The following NPBWR2 variants were observed in gnomAD, a reference collection of about 807,000 sequenced individuals.
The protein encoded by NPBWR2 is neuropeptides B/W receptor type 2.
For missense variants in NPBWR2, 390 were observed against 458.2 expected, an observed-to-expected ratio of 0.85 and a Z score of 1.36; for synonymous variants, 207 against 223.5, an observed-to-expected ratio of 0.93 and a Z score of 0.66.
chr20:64,106,018 A>C lies in NPBWR2; in HGVS notation c.814T>G (p.Cys272Gly). The change falls in exon 2 of 2, where the codon TGC (cysteine) becomes GGC (glycine). Residue 272 changes from cysteine (C) to glycine (G), a missense_variant. By Grantham distance (159) the Cys-to-Gly change is radical. Transcript: ENST00000684052. The surrounding 1 kb of genome is among the most constrained non-coding windows in gnomAD (Gnocchi z 9.5). ...GAGGCCAGGTGGAAGGGCGTCCAGCAGAGGAGGCACACGGCCAGCACGACG... is the reference window on the plus strand; with the variant it reads ...GAGGCCAGGTGGAAGGGCGTCCAGCCGAGGAGGCACACGGCCAGCACGACG... The part of the protein sequence containing the change: ...VLVVLAVCLL[C>G]WTPFHLASVV... 3 of 1,611,950 alleles carry C rather than the reference A, an allele frequency of 1.9e-6. No individual in the cohort carries two copies. Among genetic ancestry groups the C allele is most frequent in the Non-Finnish European group, 2.5e-6 (3 of 1,179,780 alleles).
rs368497080 is a variant in NPBWR2 at position 64,106,274 on chromosome 20, G to A, written c.558C>T (p.Gly186=). 2.2e-5 allele frequency: 36 copies of A among 1,612,798 alleles called. No individual in the cohort carries two copies. In the Middle Eastern group the frequency reaches 6.6e-4, roughly 30 times the overall value. ...GGACCTGCAGCTCGTTGCTGTAGACGCCAGCGAAAGAGAAGAAGGGCAGAA... is the reference window on the plus strand; with the variant it reads ...GGACCTGCAGCTCGTTGCTGTAGACACCAGCGAAAGAGAAGAAGGGCAGAA... ...VLVLPFFSFA[G]VYSNELQVPS... Residue 186 remains glycine, a synonymous_variant, in exon 2 of 2, where the codon GGC becomes GGT. Coordinates refer to ENST00000684052, the MANE Select transcript of NPBWR2 (RefSeq NM_005286.4). The surrounding 1 kb of genome is among the most constrained non-coding windows in gnomAD (Gnocchi z 9.5).
Position 64,105,926 on chromosome 20 carries a change from G to C in NPBWR2, c.906C>G (p.Thr302=). Residue 302 remains threonine (T), a synonymous_variant, in exon 2 of 2, where the codon ACC becomes ACG. Coordinates refer to ENST00000684052, the MANE Select transcript of NPBWR2 (RefSeq NM_005286.4). The stretch of plus-strand genomic sequence containing the variant: ...GGCACGAGTTGGCGTAGCTGAGGCT[G>C]GTGATGACGTAGGACATACTGATGA... ...PLVISMSYVI[T]SLSYANSCLN... is the part of the protein sequence containing the mutation. 6.2e-7 allele frequency: 1 copy of C among 1,612,682 alleles called. No individual in the cohort carries two copies. The highest frequency in any genetic ancestry group is 8.5e-7 in the Non-Finnish European group (1 of 1,179,758).
At position 64,104,769 on chromosome 20, in the gene NPBWR2, AG is replaced by A. The variant is rs1386305233; in HGVS notation, c.*1060del. Reference sequence around the variant, plus strand: ...CATGGTGAGGACTGTCGGCCACAGCAGGGGGGCACAGGGGAGCACAGGCCAT... The same window carrying A: ...CATGGTGAGGACTGTCGGCCACAGCAGGGGGCACAGGGGAGCACAGGCCAT... On this transcript the variant is annotated 3_prime_UTR_variant, in exon 2 of 2. Coordinates refer to ENST00000684052, the MANE Select transcript of NPBWR2 (RefSeq NM_005286.4). Among the ~76,000 whole-genome samples the A allele has an allele frequency of 1.5e-5, 2 of 131,194 alleles. No homozygotes were observed. Among genetic ancestry groups the A allele is most frequent in the Non-Finnish European group, 3.2e-5 (2 of 61,600 alleles). The allele number at this position is 131,194 out of a possible 152,430, so 86.1% of individuals were successfully genotyped here. A position where few individuals can be genotyped will look rare whatever the true frequency, so the allele number is the denominator to read the frequency against.
Position 64,106,244 on chromosome 20 carries a change from G to C in NPBWR2, c.588C>G (p.Ser196Arg), listed in dbSNP as rs1980032489. ...GVYSNELQVPSCGLSFPWPEQ... is the reference protein window; with the variant it reads ...GVYSNELQVPRCGLSFPWPEQ... ...CGGGCCACGGGAAGCTCAGCCCACA[G>C]CTTGGGACCTGCAGCTCGTTGCTGT... is the stretch of plus-strand genomic sequence containing the variant. The change falls in exon 2 of 2, where the codon AGC (serine) becomes AGG (arginine). Residue 196 changes from serine to arginine, a missense_variant. Transcript: ENST00000684052. This position sits in a 1 kb window ranked among gnomAD's most constrained non-coding sequence, Gnocchi z 9.5. 6.2e-7 allele frequency: 1 copy of C among 1,612,806 alleles called. No homozygotes were observed. Among genetic ancestry groups the C allele is most frequent in the Non-Finnish European group, 8.5e-7 (1 of 1,179,992 alleles).
Position 64,104,710 on chromosome 20 carries a change from C to T in NPBWR2, c.*1120G>A, listed in dbSNP as rs1408605536. On this transcript the variant is annotated 3_prime_UTR_variant, in exon 2 of 2. Coordinates refer to ENST00000684052, the MANE Select transcript of NPBWR2 (RefSeq NM_005286.4). ...GAGCACAGGCCATGGAGAGGACCGT[C>T]GGCCACAGCAGGGGAGTATAGGGGA... Among the ~76,000 whole-genome samples, 6 of 133,678 alleles carry T rather than the reference C, an allele frequency of 4.5e-5. No individual in the cohort carries two copies. Among genetic ancestry groups the T allele is most frequent in the East Asian group, 2.2e-4 (1 of 4,520 alleles). The allele number at this position is 133,678 out of a possible 152,430, so 87.7% of individuals were successfully genotyped here.
At position 64,107,307 on chromosome 20, in the gene NPBWR2, A is replaced by C; in HGVS notation, c.-92+57T>G. 5.4e-6 allele frequency: 1 copy of C among 183,980 alleles called. No homozygotes were observed. The highest frequency in any genetic ancestry group is 1.2e-5 in the Non-Finnish European group (1 of 86,316). 11.4% of individuals were successfully genotyped at this position (183,980 alleles called of 1,614,324 possible). On this transcript the variant is annotated intron_variant, in intron 1 of 1. Transcript: ENST00000684052. The surrounding 1 kb of genome is among the most constrained non-coding windows in gnomAD (Gnocchi z 6.3). ...TCTTGGAGTCTGCACCCTCCCTCAC[A>C]CCCTCCCGAGAGATGCTGCAGACCC...
In NPBWR2 at chr20:64,107,425, C is replaced by T. The variant is rs1227602827; in HGVS notation, c.-153G>A. ...GGTGTGTTCCTGGTTTTGGCCAGTACAGGCAGTCGCAGGGATGGAGGGCGA... is the reference window on the plus strand; with the variant it reads ...GGTGTGTTCCTGGTTTTGGCCAGTATAGGCAGTCGCAGGGATGGAGGGCGA... On this transcript the variant is annotated 5_prime_UTR_variant, in exon 1 of 2. Coordinates refer to ENST00000684052, the MANE Select transcript of NPBWR2 (RefSeq NM_005286.4). This position sits in a 1 kb window ranked among gnomAD's most constrained non-coding sequence, Gnocchi z 6.3. 1.3e-5 allele frequency among the ~76,000 whole-genome samples: 2 copies of T among 152,306 alleles called. No individual in the cohort carries two copies. The highest frequency in any genetic ancestry group is 3.9e-4 in the East Asian group (2 of 5,170).
At position 64,105,861 on chromosome 20, in the gene NPBWR2, CG is replaced by C. The variant is rs1980006963; in HGVS notation, c.970del (p.Arg324GlyfsTer235). 1 of 1,512,402 alleles carries C rather than the reference CG, an allele frequency of 6.6e-7. No homozygotes were observed. 93.7% of individuals were successfully genotyped at this position (1,512,402 alleles called of 1,614,324 possible). Reference sequence around the variant, plus strand: ...CCGCAATATGCTGCGGAAGTTCTTCCGGAAGTTGTCATCTAGAAAGGCGTAG... The same window carrying C: ...CCGCAATATGCTGCGGAAGTTCTTCCGAAGTTGTCATCTAGAAAGGCGTAG... ...FLYAFLDDNFRKNFRSILRC is the reference protein window; with the variant it reads ...FLYAFLDDNFXKNFRSILRC On this transcript the variant is annotated frameshift_variant, in exon 2 of 2. Coordinates refer to ENST00000684052, the MANE Select transcript of NPBWR2 (RefSeq NM_005286.4). LOFTEE classifies it low-confidence loss of function (END_TRUNC).
At position 64,105,121 on chromosome 20, in the gene NPBWR2, G is replaced by A. The variant is rs550044247; in HGVS notation, c.*709C>T. On this transcript the variant is annotated 3_prime_UTR_variant, in exon 2 of 2. Coordinates refer to ENST00000684052, the MANE Select transcript of NPBWR2 (RefSeq NM_005286.4). The stretch of plus-strand genomic sequence containing the variant: ...AGCATCGCTGCTGCCTGAGGTGCCC[G>A]CACTTACCACCCCCCGGCCCCATCT... 1.3e-5 allele frequency among the ~76,000 whole-genome samples: 2 copies of A among 152,202 alleles called. No homozygotes were observed. Among genetic ancestry groups the A allele is most frequent in the South Asian group, 2.1e-4 (1 of 4,814 alleles).
Position 64,106,470 on chromosome 20 carries a change from A to T in NPBWR2, c.362T>A (p.Leu121Gln), listed in dbSNP as rs1044478700. The change falls in exon 2 of 2, where the codon CTG (leucine) becomes CAG (glutamine). Residue 121 changes from leucine (L) to glutamine (Q), a missense_variant. Physicochemically the swap from Leu to Gln is moderately radical, Grantham distance 113. Coordinates refer to ENST00000684052, the MANE Select transcript of NPBWR2 (RefSeq NM_005286.4). This position sits in a 1 kb window ranked among gnomAD's most constrained non-coding sequence, Gnocchi z 9.5. Reference sequence around the variant, plus strand: ...GAAGATGTTGTAGTGGTCGACGGCCAGCACCAGCTTGCAGAGCAGCTCCCC... The same window carrying T: ...GAAGATGTTGTAGTGGTCGACGGCCTGCACCAGCTTGCAGAGCAGCTCCCC... ...PFGELLCKLVLAVDHYNIFSS... is the reference protein window; with the variant it reads ...PFGELLCKLVQAVDHYNIFSS... The T allele has an allele frequency of 8.1e-6, 13 of 1,612,778 alleles. No individual in the cohort carries two copies. The highest frequency in any genetic ancestry group is 9.3e-6 in the Non-Finnish European group (11 of 1,180,022).
At position 64,105,709 on chromosome 20, in the gene NPBWR2, G is replaced by GCAT; in HGVS notation, c.*120_*121insATG. 2.2e-6 allele frequency: 1 copy of GCAT among 449,120 alleles called. No individual in the cohort carries two copies. The highest frequency in any genetic ancestry group is 3.6e-6 in the Non-Finnish European group (1 of 281,090). The allele number at this position is 449,120 out of a possible 1,614,324, so 27.8% of individuals were successfully genotyped here. A position where few individuals can be genotyped will look rare whatever the true frequency, so the allele number is the denominator to read the frequency against. On this transcript the variant is annotated 3_prime_UTR_variant, in exon 2 of 2. Coordinates refer to ENST00000684052, the MANE Select transcript of NPBWR2 (RefSeq NM_005286.4). ...GGGGTGGTGGTGGGGGTGATGGTGGGGGTGGTGGTGGGGGTGGGGGGGGGT... is the reference window on the plus strand; with the variant it reads ...GGGGTGGTGGTGGGGGTGATGGTGGGCATGGTGGTGGTGGGGGTGGGGGGGGGT...
rs1477762716 is a variant in NPBWR2, at chr20:64,106,328, C to T, written c.504G>A (p.Leu168=). The T allele has an allele frequency of 2.5e-6, 4 of 1,612,696 alleles. No homozygotes were observed. Among genetic ancestry groups the T allele is most frequent in the African/African-American group, 2.7e-5 (2 of 74,938 alleles). Residue 168 remains leucine, a synonymous_variant, in exon 2 of 2, where the codon CTG becomes CTA. Transcript: ENST00000684052. This position sits in a 1 kb window ranked among gnomAD's most constrained non-coding sequence, Gnocchi z 9.5. ...GGACCGTGACGCCCAGCCAGACACACAGGCTGGCGACCTTCGCCCCCCGGT... is the reference window on the plus strand; with the variant it reads ...GGACCGTGACGCCCAGCCAGACACATAGGCTGGCGACCTTCGCCCCCCGGT... ...RTYRGAKVAS[L]CVWLGVTVLV... is the part of the protein sequence containing the mutation.
At position 64,105,197 on chromosome 20, in the gene NPBWR2, C is replaced by T. The variant is rs1979923304; in HGVS notation, c.*633G>A. On this transcript the variant is annotated 3_prime_UTR_variant, in exon 2 of 2. Coordinates refer to ENST00000684052, the MANE Select transcript of NPBWR2 (RefSeq NM_005286.4). ...CAGGTCAAGATCACAGTTCAGGTTC[C>T]CTCCCCTCCCGACCACTGTCATTAG... is the stretch of plus-strand genomic sequence containing the variant. Among the ~76,000 whole-genome samples the T allele has an allele frequency of 1.3e-5, 2 of 151,886 alleles. No individual in the cohort carries two copies. The highest frequency in any genetic ancestry group is 4.2e-4 in the South Asian group (2 of 4,800).
At position 64,104,274 on chromosome 20, in the gene NPBWR2, G is replaced by T. The variant is rs1979870872; in HGVS notation, c.*1556C>A. Among the ~76,000 whole-genome samples, 1 of 152,188 alleles carries T rather than the reference G, an allele frequency of 6.6e-6. No individual in the cohort carries two copies. The highest frequency in any genetic ancestry group is 2.4e-5 in the African/African-American group (1 of 41,426). On this transcript the variant is annotated 3_prime_UTR_variant, in exon 2 of 2. Coordinates refer to ENST00000684052, the MANE Select transcript of NPBWR2 (RefSeq NM_005286.4). ...TCACCCTGCCCCCACCAGAGTTTCA[G>T]CATGCAGCTCCTGCTGGCTGATTAC...
rs1190326117 is a variant in NPBWR2 at position 64,106,648 on chromosome 20, C to T, written c.184G>A (p.Gly62Ser). ...YSGICAVGLT[G>S]NTAVILVILR... Reference sequence around the variant, plus strand: ...ATTACAAGGATGACGGCCGTGTTGCCAGTCAGCCCCACAGCACAGATCCCG... The same window carrying T: ...ATTACAAGGATGACGGCCGTGTTGCTAGTCAGCCCCACAGCACAGATCCCG... The change falls in exon 2 of 2, where the codon GGC (glycine) becomes AGC (serine). Residue 62 changes from glycine (G) to serine (S), a missense_variant. By Grantham distance (56) the Gly-to-Ser change is moderately conservative (BLOSUM62 0). Transcript: ENST00000684052. The surrounding 1 kb of genome is among the most constrained non-coding windows in gnomAD (Gnocchi z 9.5). 1.9e-6 allele frequency: 3 copies of T among 1,612,596 alleles called. No individual in the cohort carries two copies. The highest frequency in any genetic ancestry group is 2.5e-6 in the Non-Finnish European group (3 of 1,180,022).
chr20:64,106,374 C>A lies in NPBWR2; in HGVS notation c.458G>T (p.Arg153Leu), dbSNP rs143647574. 1 of 1,612,446 alleles carries A rather than the reference C, an allele frequency of 6.2e-7. No homozygotes were observed. Among genetic ancestry groups the A allele is most frequent in the Non-Finnish European group, 8.5e-7 (1 of 1,179,956 alleles). The change falls in exon 2 of 2, where the codon CGC becomes CTC. Residue 153 changes from arginine to leucine, a missense_variant. Arg to Leu is a moderately radical substitution (Grantham distance 102, BLOSUM62 -2). Coordinates refer to ENST00000684052, the MANE Select transcript of NPBWR2 (RefSeq NM_005286.4). The surrounding 1 kb of genome is among the most constrained non-coding windows in gnomAD (Gnocchi z 9.5). ...CCGGTAGGTGCGCCAGGGCATGTGG[C>A]GGGACCTCACGGTGGCCAGCACCAC... is the stretch of plus-strand genomic sequence containing the variant. ...YLVVLATVRS[R>L]HMPWRTYRGA...
At position 64,106,764 on chromosome 20, in the gene NPBWR2, G is replaced by A. The variant is rs951224863; in HGVS notation, c.68C>T (p.Ala23Val). ...AGTGCCATTGTCCTGAGAGACGTTG[G>A]CACCCATCGTGGGGAGGGAGAAGGA... ...RGSFSLPTMGANVSQDNGTGH... is the reference protein window; with the variant it reads ...RGSFSLPTMGVNVSQDNGTGH... Residue 23 changes from alanine (A) to valine (V), a missense_variant, in exon 2 of 2, where the codon GCC (alanine) becomes GTC (valine). By Grantham distance (64) the Ala-to-Val change is moderately conservative. Coordinates refer to ENST00000684052, the MANE Select transcript of NPBWR2 (RefSeq NM_005286.4). This position sits in a 1 kb window ranked among gnomAD's most constrained non-coding sequence, Gnocchi z 9.5. The A allele has an allele frequency of 2.1e-5, 34 of 1,612,618 alleles. No individual in the cohort carries two copies. The Admixed American group carries it at 4.3e-4, about 21-fold the overall frequency.
rs1326538723 is a variant in NPBWR2 at position 64,105,815 on chromosome 20, T to C, written c.*15A>G. On this transcript the variant is annotated 3_prime_UTR_variant, in exon 2 of 2. Coordinates refer to ENST00000684052, the MANE Select transcript of NPBWR2 (RefSeq NM_005286.4). ...ATGATGGGCATGATGATGGGGGTGA[T>C]GGTGCCCAGGCCCTTCAGCACCGCA... The C allele has an allele frequency of 2.8e-6, 4 of 1,449,636 alleles. No individual in the cohort carries two copies. Among genetic ancestry groups the C allele is most frequent in the African/African-American group, 2.9e-5 (2 of 69,760 alleles). The allele number at this position is 1,449,636 out of a possible 1,614,324, so 89.8% of individuals were successfully genotyped here. A position where few individuals can be genotyped will look rare whatever the true frequency, so the allele number is the denominator to read the frequency against.
At position 64,106,555 on chromosome 20, in the gene NPBWR2, G is replaced by T. The variant is rs778367092; in HGVS notation, c.277C>A (p.Leu93Ile). 31 of 1,611,824 alleles carry T rather than the reference G, an allele frequency of 1.9e-5. No individual in the cohort carries two copies. Among genetic ancestry groups the T allele is most frequent in the Non-Finnish European group, 2.5e-5 (29 of 1,179,960 alleles). Residue 93 changes from leucine to isoleucine, a missense_variant, in exon 2 of 2, where the codon CTC becomes ATC. Physicochemically the swap from Leu to Ile is conservative, Grantham distance 5. Coordinates refer to ENST00000684052, the MANE Select transcript of NPBWR2 (RefSeq NM_005286.4). The surrounding 1 kb of genome is among the most constrained non-coding windows in gnomAD (Gnocchi z 9.5). ...FILNLAVADG[L>I]FTLVLPVNIA... ...TTGACGGGCAGTACCAGCGTGAAGA[G>T]CCCGTCGGCGACGGCCAGGTTCAGG...
Sources: gnomAD v4.1 joint callset for allele counts (sites outside exome capture counted in the v4.1 genomes callset) on GRCh38, gnomAD v4.1.1 for gene constraint, Gnocchi (gnomAD v3.1) non-coding constraint, MANE v1.5 for transcripts, NCBI Gene and HGNC (gene_info 2026-07-23, HGNC 2026-07-21) for gene names.